Variants in DARS1 observed in about 807,000 individuals in gnomAD.
DARS1 encodes the protein aspartate--tRNA ligase, cytoplasmic.
Under a neutral mutation model 68.8 loss-of-function variants are expected in DARS1, and 51 were observed. That is an observed-to-expected ratio of 0.74 (90% CI 0.59 to 0.94). The LOEUF is 0.94. DARS1 is among the 40% of genes least tolerant of loss of function. DARS1 has a pLI of 0.00. For missense variants in DARS1, 607 were observed against 597.3 expected (o/e 1.02, Z -0.17); for synonymous variants, 203 against 190.4 (o/e 1.07, Z -0.55).
At chr2:135,983,306 G>T in intron 2 of DARS1, 91 bp downstream of exon 2, 1 of 720,864 alleles carries the variant, frequency 1.4e-6, no homozygotes, top group Non-Finnish European at 2.4e-6. Flanking sequence ...TATACCTTCA[G>T]ATTTATGCCA....
intron 5 of DARS1, chr2:135,943,131 T>G: frequency 2.7e-6 from 1 of 365,090 alleles, no homozygotes; most frequent in Non-Finnish European, 4.8e-6. Flanking sequence ...GCCCAGCCAA[T>G]GTTGCATGGA....
rs1381962048 is a variant in DARS1 at position 135,907,087 on chromosome 2, G to A, written c.*229C>T. On this transcript the variant is annotated 3_prime_UTR_variant, in exon 16 of 16. Coordinates refer to ENST00000264161, the MANE Select transcript of DARS1 (RefSeq NM_001349.4). ...TATTTCCTACTGATGCATGTCTGAA[G>A]TTATAAAAATCTCTTTTAAACGAAC... 3.3e-6 allele frequency: 1 copy of A among 303,700 alleles called. No individual in the cohort carries two copies. The highest frequency in any genetic ancestry group is 6.1e-5 in the East Asian group (1 of 16,340). 18.8% of individuals were successfully genotyped at this position (303,700 alleles called of 1,614,324 possible).
intron 4 of DARS1, among the ~76,000 whole-genome samples, chr2:135,944,154 C>T (rs181239562): frequency 1.2e-4 from 18 of 152,122 alleles, no homozygotes; most frequent in African/African-American, 2.6e-4. Context: ...TTCTAAAATA[C>T]AAAATTTATA....
At chr2:135,945,119 T>G (rs929021833) in intron 4 of DARS1, among the ~76,000 whole-genome samples, 2 of 151,914 alleles carry the variant, frequency 1.3e-5, no homozygotes, top group Admixed American at 1.3e-4. Flanking sequence ...CCAACTCAAG[T>G]CAAACACATC....
At chr2:135,918,021 G>A (rs969273269) in intron 10 of DARS1, among the ~76,000 whole-genome samples, 1 of 152,094 alleles carries the variant, frequency 6.6e-6, no homozygotes, top group Non-Finnish European at 1.5e-5. Flanking sequence ...CTGGGTTCAA[G>A]CAATTCTCCT....
rs1680794070 is a variant in DARS1 at position 135,906,944 on chromosome 2, G to A, written c.*372C>T. On this transcript the variant is annotated 3_prime_UTR_variant, in exon 16 of 16. Coordinates refer to ENST00000264161, the MANE Select transcript of DARS1 (RefSeq NM_001349.4). ...CTGAAAATCTAAGACATTAACACTG[G>A]GGCCCTTGTAATATAGAAAAGAAGA... The A allele has an allele frequency of 2.0e-5, 3 of 153,730 alleles. No homozygotes were observed. The highest frequency in any genetic ancestry group is 4.1e-4 in the South Asian group (2 of 4,888). 9.5% of individuals were successfully genotyped at this position (153,730 alleles called of 1,614,324 possible).
At position 135,943,490 on chromosome 2, in the gene DARS1, G is replaced by T. The variant is rs749583975; in HGVS notation, c.321-10C>A. On this transcript the variant is annotated splice_polypyrimidine_tract_variant and intron_variant, in intron 4 of 15. Coordinates refer to ENST00000264161, the MANE Select transcript of DARS1 (RefSeq NM_001349.4). ...GCTCTCTTTGTTGATGCTGTCAAGA[G>T]AAAAAATTCCCAACTTGAATCATCT... 1 of 1,608,644 alleles carries T rather than the reference G, an allele frequency of 6.2e-7. No individual in the cohort carries two copies. Among genetic ancestry groups the T allele is most frequent in the Non-Finnish European group, 8.5e-7 (1 of 1,178,456 alleles).
chr2:135,930,288 T>C (rs969632675), intron 7 of DARS1, among the ~76,000 whole-genome samples: 3 of 152,224 alleles, frequency 2.0e-5, no homozygotes, highest in African/African-American at 7.2e-5. Flanking sequence ...GGCTATTTGA[T>C]AGTGTGATTT....
Position 135,918,408 on chromosome 2 carries a change from ATGTATTT to A in DARS1, c.959+2038_960-2037del, listed in dbSNP as rs200276543. On this transcript the variant is annotated intron_variant, in intron 10 of 15. Transcript: ENST00000264161. ...CAATAGAATACAAATACATTTGTAT[ATGTATTT>A]TTCTATGAGAGGTAAATACTAATGA... Among the ~76,000 whole-genome samples the A allele has an allele frequency of 7.1e-3, 1,083 of 152,310 alleles. 12 individuals are homozygous for A. Among genetic ancestry groups the A allele is most frequent in the African/African-American group, 0.024 (1,011 of 41,578 alleles).
intron 7 of DARS1, among the ~76,000 whole-genome samples, chr2:135,928,081 G>C (rs923544347): frequency 6.6e-5 from 10 of 152,158 alleles, no homozygotes; most frequent in South Asian, 2.1e-4. Flanking sequence ...ACTTTATACA[G>C]CAATCTTTAA....
intron 14 of DARS1, 25 bp from the exon 15 acceptor site, chr2:135,911,235 A>G (rs765866561): frequency 8.5e-7 from 1 of 1,173,986 alleles, no homozygotes; most frequent in South Asian, 1.2e-5. Flanking sequence ...AAAACAAAAT[A>G]TAATTTATCA....
intron 4 of DARS1, among the ~76,000 whole-genome samples, chr2:135,943,823 AG>A (rs1286010981): frequency 2.0e-4 from 30 of 152,228 alleles, no homozygotes; most frequent in African/African-American, 7.2e-4. Flanking sequence ...AGAATCACTA[AG>A]ATCAGCATTT....
intron 4 of DARS1, among the ~76,000 whole-genome samples, 161 bp from the exon 5 acceptor site, chr2:135,943,641 C>A (rs972746394): frequency 6.6e-6 from 1 of 152,142 alleles, no homozygotes; most frequent in Non-Finnish European, 1.5e-5. Context: ...TAAGCTATTA[C>A]GTAGCATACC....
In DARS1 at chr2:135,982,146, T is replaced by C. The variant is rs1455244048; in HGVS notation, c.124+1251A>G. Among the ~76,000 whole-genome samples the C allele has an allele frequency of 2.0e-5, 3 of 152,190 alleles. 1 individual carries two copies. Among genetic ancestry groups the C allele is most frequent in the East Asian group, 3.8e-4 (2 of 5,204 alleles). On this transcript the variant is annotated intron_variant, in intron 2 of 15. Coordinates refer to ENST00000264161, the MANE Select transcript of DARS1 (RefSeq NM_001349.4). The stretch of plus-strand genomic sequence containing the variant: ...TGCACCAAAGAGTGAGAGACGTAAT[T>C]TGAAGTGTCTACCAAAAGAAAAATT...
At chr2:135,983,319 C>T (rs1682680359) in intron 2 of DARS1, 78 bp downstream of exon 2, 2 of 746,138 alleles carry the variant, frequency 2.7e-6, no homozygotes, top group African/African-American at 1.8e-5. Context: ...TTATGCCAAC[C>T]TTACTTAAAA....
chr2:135,919,822 T>C (rs879476475), intron 10 of DARS1, among the ~76,000 whole-genome samples: 2 of 152,234 alleles, frequency 1.3e-5, no homozygotes, highest in Non-Finnish European at 2.9e-5. Context: ...AGTCTACTAG[T>C]TTCTAATCTT....
chr2:135,968,329 T>G lies in DARS1; in HGVS notation c.218-6831A>C, dbSNP rs183106645. On this transcript the variant is annotated intron_variant, in intron 3 of 15. Coordinates refer to ENST00000264161, the MANE Select transcript of DARS1 (RefSeq NM_001349.4). The stretch of plus-strand genomic sequence containing the variant: ...AACACTGACAATCACTGCTGACAAG[T>G]GTCTCAGTACGTTTTCTGTTGCTTG... Among the ~76,000 whole-genome samples the G allele has an allele frequency of 4.6e-5, 7 of 152,294 alleles. No individual in the cohort carries two copies. In the East Asian group the frequency reaches 1.3e-3, roughly 29 times the overall value.
At chr2:135,969,091 T>C (rs1682306107) in intron 3 of DARS1, among the ~76,000 whole-genome samples, 1 of 152,148 alleles carries the variant, frequency 6.6e-6, no homozygotes, top group South Asian at 2.1e-4. Context: ...TGATCTAGTA[T>C]TAGAAATTTT....
rs193000931 is a variant in DARS1 at position 135,927,381 on chromosome 2, T to C, written c.565-2883A>G. Among the ~76,000 whole-genome samples, 481 of 152,292 alleles carry C rather than the reference T, an allele frequency of 3.2e-3. 3 individuals carry two copies. The highest frequency in any genetic ancestry group is 0.027 in the South Asian group (130 of 4,824). On this transcript the variant is annotated intron_variant, in intron 7 of 15. Coordinates refer to ENST00000264161, the MANE Select transcript of DARS1 (RefSeq NM_001349.4). ...AACCTTATTTTCAACTGACAAGGAA[T>C]GTACAAATACCTTATATATTTAATT...
Sources: allele counts gnomAD v4.1 joint callset (sites outside exome capture counted in the v4.1 genomes callset), GRCh38; gene constraint gnomAD v4.1.1; transcripts MANE v1.5; gene names NCBI Gene and HGNC (gene_info 2026-07-23, HGNC 2026-07-21).